The following C11orf65 variants were observed in gnomAD, a reference collection of about 807,000 sequenced individuals.
C11orf65 encodes the protein protein MFI.
Under a neutral mutation model 35.3 loss-of-function variants are expected in C11orf65, and 38 were observed. That is an observed-to-expected ratio of 1.08 (90% CI 0.83 to 1.41). The LOEUF (loss-of-function observed/expected upper bound fraction) is 1.41, where lower values mean the gene tolerates loss of function less well. C11orf65 is among the 40% of genes most tolerant of loss of function. The pLI is 0.00. For missense variants in C11orf65, 370 were observed against 367.1 expected (o/e 1.01, Z -0.06); for synonymous variants, 105 against 114.4 (o/e 0.92, Z 0.53).
intron 5 of C11orf65, among the ~76,000 whole-genome samples, chr11:108,406,051 G>C (rs1206370897): frequency 3.3e-5 from 5 of 151,952 alleles, no homozygotes; most frequent in Non-Finnish European, 5.9e-5. Flanking sequence ...ACATACCCTA[G>C]ATAATAAGGA....
At chr11:108,377,465 T>C (rs534899023) in intron 2 of C11orf65, among the ~76,000 whole-genome samples, 18 of 152,304 alleles carry the variant, frequency 1.2e-4, no homozygotes, top group African/African-American at 4.3e-4. Context: ...AAATTAGGTA[T>C]TGATGGGACG....
chr11:108,331,993 A>G lies in C11orf65; in HGVS notation c.300-426T>C, dbSNP rs750224234. The G allele has an allele frequency of 3.1e-6, 5 of 1,614,106 alleles. No homozygotes were observed. On this transcript the variant is annotated intron_variant, in intron 3 of 3. Transcript: ENST00000524755. ...TAAACCAGAGGTAGCCAGAAGAAGC[A>G]GAATAACTAAAAATGTGCCTAAACA...
chr11:108,363,924 T>A (rs1458391512), intron 2 of C11orf65, among the ~76,000 whole-genome samples: 1 of 152,176 alleles, frequency 6.6e-6, no homozygotes, highest in Non-Finnish European at 1.5e-5. Context: ...ATAAAATATA[T>A]TAATATTTCC....
intron 3 of C11orf65, among the ~76,000 whole-genome samples, chr11:108,422,009 G>A (rs2092824670): frequency 6.6e-6 from 1 of 152,140 alleles, no homozygotes; most frequent in African/African-American, 2.4e-5. Context: ...TCGGCTTGCT[G>A]CAACCTCTGC....
chr11:108,387,322 T>C (rs1009766452), intron 7 of C11orf65, among the ~76,000 whole-genome samples: 2 of 150,598 alleles, frequency 1.3e-5, no homozygotes, highest in Non-Finnish European at 3.0e-5. Context: ...GCCCGGCTAA[T>C]TTTTGTACTT....
At chr11:108,421,275 G>A (rs1415039903) in intron 3 of C11orf65, among the ~76,000 whole-genome samples, 1 of 152,152 alleles carries the variant, frequency 6.6e-6, no homozygotes, top group Non-Finnish European at 1.5e-5. Flanking sequence ...AATCCTATAA[G>A]CTGGCCCATC....
At chr11:108,362,719 T>A (rs1351727440) in intron 2 of C11orf65, among the ~76,000 whole-genome samples, 1 of 146,020 alleles carries the variant, frequency 6.8e-6, no homozygotes, top group Non-Finnish European at 1.5e-5. Context: ...AAACACCGCA[T>A]ATTCTCACTC....
chr11:108,352,084 G>A (rs967816018), intron 2 of C11orf65, among the ~76,000 whole-genome samples: 55 of 152,136 alleles, frequency 3.6e-4, no homozygotes, highest in African/African-American at 1.3e-3. Context: ...CCTGAGTCTC[G>A]TAATAACTAA....
At chr11:108,358,029 A>C (rs1289446930) in intron 2 of C11orf65, among the ~76,000 whole-genome samples, 1 of 144,200 alleles carries the variant, frequency 6.9e-6, no homozygotes, top group Non-Finnish European at 1.5e-5. Flanking sequence ...CCAAAGGCAA[A>C]TAAGTTGACA....
rs1299506506 is a variant in C11orf65 at position 108,316,034 on chromosome 11, C to G, written c.641-6963G>C. On this transcript the variant is annotated intron_variant, in intron 6 of 6. Transcript: ENST00000525729. ...AGACTACGAACATATGAACACGAAG[C>G]AATGTGGGGCAAAGCCCTAGTAACA... 1.2e-6 allele frequency: 2 copies of G among 1,614,098 alleles called. No homozygotes were observed. Among genetic ancestry groups the G allele is most frequent in the South Asian group, 2.2e-5 (2 of 91,078 alleles).
intron 3 of C11orf65, among the ~76,000 whole-genome samples, chr11:108,415,414 G>A (rs889255439): frequency 1.3e-5 from 2 of 151,974 alleles, no homozygotes; most frequent in African/African-American, 4.8e-5. Flanking sequence ...TATAAAAATC[G>A]ATATGAGGGA....
Position 108,369,647 on chromosome 11 carries a change from A to C in C11orf65, c.226+23561T>G, listed in dbSNP as rs183315022. Among the ~76,000 whole-genome samples the C allele has an allele frequency of 7.0e-4, 107 of 152,300 alleles. 1 individual carries two copies. The highest frequency in any genetic ancestry group is 2.4e-3 in the African/African-American group (101 of 41,566). On this transcript the variant is annotated intron_variant, in intron 2 of 3. Coordinates refer to the C11orf65 transcript ENST00000524755. ...TCATAATAGACATTATCCTCTGAAA[A>C]ATCCCTTTGCCATTAAAAGTACAGC...
chr11:108,466,716 A>G (rs994420892), intron 1 of C11orf65, among the ~76,000 whole-genome samples: 1 of 152,260 alleles, frequency 6.6e-6, no homozygotes, highest in Admixed American at 6.5e-5. Context: ...CCTAATCAAT[A>G]AAATTTTTTA....
chr11:108,343,178 T>C (rs775135331), intron 2 of C11orf65: 8 of 1,612,130 alleles, frequency 5.0e-6, no homozygotes, highest in Non-Finnish European at 6.8e-6. Flanking sequence ...AAATGCTCTT[T>C]AATGGCCTTT....
chr11:108,431,935 A>C (rs1015151814), intron 2 of C11orf65, 97 bp from the exon 3 acceptor site: 10 of 618,934 alleles, frequency 1.6e-5, no homozygotes, highest in African/African-American at 1.5e-4. Context: ...AAAGTACCAT[A>C]AAATAGATTT....
At chr11:108,368,290 A>C in intron 2 of C11orf65, 1 of 160,112 alleles carries the variant, frequency 6.2e-6, no homozygotes. Context: ...CTCTGCCTCA[A>C]AAAAAAAAAA....
At chr11:108,423,393 G>T (rs527634852) in intron 3 of C11orf65, among the ~76,000 whole-genome samples, 1 of 152,124 alleles carries the variant, frequency 6.6e-6, no homozygotes, top group Non-Finnish European at 1.5e-5. Context: ...GGAGTTTGGT[G>T]GGGGGAGGGA....
At chr11:108,468,724 T>C (rs1388567070), upstream of C11orf65, among the ~76,000 whole-genome samples, 1 of 152,178 alleles carries the variant, frequency 6.6e-6, no homozygotes, top group Non-Finnish European at 1.5e-5. Flanking sequence ...TAATACACAG[T>C]AGTTATGAAC....
intron 1 of C11orf65, among the ~76,000 whole-genome samples, chr11:108,466,322 C>T (rs1011324055): frequency 2.6e-5 from 4 of 152,104 alleles, no homozygotes; most frequent in Non-Finnish European, 4.4e-5. Context: ...GCCTGTAATC[C>T]TAACATTTTG....
Sources: gnomAD v4.1 joint callset for allele counts (sites outside exome capture counted in the v4.1 genomes callset) on GRCh38, gnomAD v4.1.1 for gene constraint, MANE v1.5 for transcripts, NCBI Gene and HGNC (gene_info 2026-07-23, HGNC 2026-07-21) for gene names.